MECOM: variants seen among roughly 807,000 people sequenced by gnomAD.
MECOM encodes the protein histone-lysine N-methyltransferase MECOM.
In MECOM, 13 loss-of-function variants were observed where a neutral mutation model predicts 116.3. The ratio of observed to expected loss-of-function variants is 0.11; its 90% CI spans 0.07 to 0.18. The LOEUF (loss-of-function observed/expected upper bound fraction) is 0.18, where lower values mean the gene tolerates loss of function less well. Ranked by LOEUF, MECOM falls within the 10% of genes least tolerant of loss-of-function variation. The pLI is 1.00. For synonymous variants in MECOM, 528 were observed against 535.2 expected (o/e 0.99, Z 0.19); for missense variants, 1,299 against 1,509.0 (o/e 0.86, Z 2.31).
chr3:169,093,827 T>C (rs1720636392), intron 13 of MECOM, among the ~76,000 whole-genome samples: 1 of 152,308 alleles, frequency 6.6e-6, no homozygotes, highest in Non-Finnish European at 1.5e-5. Flanking sequence ...CTTCCTGTTG[T>C]TTATCTTGCC....
chr3:169,177,338 C>G (rs1048495745), intron 2 of MECOM, among the ~76,000 whole-genome samples: 2 of 152,030 alleles, frequency 1.3e-5, no homozygotes, highest in Non-Finnish European at 1.5e-5. Flanking sequence ...AAGCTGGAAA[C>G]CATCATTCTC....
intron 1 of MECOM, among the ~76,000 whole-genome samples, chr3:169,532,779 A>G (rs1758820249): frequency 6.6e-6 from 1 of 152,052 alleles, no homozygotes; most frequent in Admixed American, 6.6e-5. Flanking sequence ...ACACACAAAT[A>G]TACTGAATCT....
chr3:169,483,812 A>G, intron 1 of MECOM: 7 of 1,611,936 alleles, frequency 4.3e-6, no homozygotes, highest in Non-Finnish European at 5.9e-6. Context: ...GATATTTCAA[A>G]TACCTTTTGG....
chr3:169,401,089 G>C (rs568782568), intron 1 of MECOM, among the ~76,000 whole-genome samples: 182 of 152,282 alleles, frequency 1.2e-3, no homozygotes, highest in African/African-American at 3.6e-3. Context: ...TCCTAGATAG[G>C]CTCTCAGCTT....
intron 2 of MECOM, among the ~76,000 whole-genome samples, chr3:169,377,380 C>A (rs1731222944): frequency 6.6e-6 from 1 of 152,126 alleles, no homozygotes; most frequent in Admixed American, 6.6e-5. Flanking sequence ...TTAGAGTGAA[C>A]AGTCAACCTA....
intron 10 of MECOM, among the ~76,000 whole-genome samples, chr3:169,106,410 A>AT (rs1308526981): frequency 6.6e-6 from 1 of 152,162 alleles, no homozygotes; most frequent in African/African-American, 2.4e-5. Flanking sequence ...TGGAATATTC[A>AT]TCCCCTCAAG....
At chr3:169,351,913 T>C (rs1182352621) in intron 2 of MECOM, among the ~76,000 whole-genome samples, 1 of 151,884 alleles carries the variant, frequency 6.6e-6, no homozygotes, top group East Asian at 1.9e-4. Context: ...CAAATTCACC[T>C]AATTAGGAAC....
chr3:169,630,105 A>G (rs1382711340), intron 1 of MECOM, among the ~76,000 whole-genome samples: 2 of 152,126 alleles, frequency 1.3e-5, no homozygotes, highest in Non-Finnish European at 2.9e-5. Context: ...AGAAAGAAAC[A>G]TGCCTTCTCT....
intron 1 of MECOM, among the ~76,000 whole-genome samples, chr3:169,392,875 G>A (rs897686047): frequency 1.6e-4 from 25 of 152,240 alleles, no homozygotes; most frequent in African/African-American, 5.8e-4. Flanking sequence ...TCATAGTAAC[G>A]TGAGCATCAG....
intron 1 of MECOM, among the ~76,000 whole-genome samples, chr3:169,485,731 G>A (rs149774484): frequency 6.6e-6 from 1 of 150,830 alleles, no homozygotes; most frequent in African/African-American, 2.4e-5. Context: ...CTTCAAAAAG[G>A]CAATTTGGCA....
At chr3:169,329,369 G>A (rs986483886) in intron 2 of MECOM, among the ~76,000 whole-genome samples, 5 of 152,078 alleles carry the variant, frequency 3.3e-5, no homozygotes, top group African/African-American at 1.2e-4. Flanking sequence ...CTTCTATTTC[G>A]GAAGCTGTTT....
At chr3:169,352,905 T>G (rs978018402) in intron 2 of MECOM, among the ~76,000 whole-genome samples, 3 of 151,918 alleles carry the variant, frequency 2.0e-5, no homozygotes, top group Non-Finnish European at 4.4e-5. Context: ...GTACACAATC[T>G]TATCTCTCTC....
At chr3:169,200,485 G>A (rs1188053992) in intron 2 of MECOM, among the ~76,000 whole-genome samples, 1 of 151,914 alleles carries the variant, frequency 6.6e-6, no homozygotes, top group Non-Finnish European at 1.5e-5. Flanking sequence ...AATTCAAAAG[G>A]GAATTAAGAA....
intron 2 of MECOM, among the ~76,000 whole-genome samples, chr3:169,250,611 T>C (rs945413430): frequency 2.0e-5 from 3 of 152,190 alleles, no homozygotes; most frequent in Non-Finnish European, 2.9e-5. Context: ...TCCGTTATTG[T>C]AGGGGAATAA....
chr3:169,476,071 T>G (rs1481900453), intron 1 of MECOM, among the ~76,000 whole-genome samples: 1 of 152,192 alleles, frequency 6.6e-6, no homozygotes, highest in Non-Finnish European at 1.5e-5. Flanking sequence ...ATTAATACTT[T>G]GATGAAATAT....
chr3:169,458,915 G>C (rs948308943), intron 1 of MECOM, among the ~76,000 whole-genome samples: 8 of 152,178 alleles, frequency 5.3e-5, no homozygotes, highest in African/African-American at 1.9e-4. Context: ...AGTTTAATAT[G>C]ATGAATCATG....
chr3:169,425,148 A>G (rs1740443845), intron 1 of MECOM, among the ~76,000 whole-genome samples: 1 of 150,946 alleles, frequency 6.6e-6, no homozygotes, highest in East Asian at 2.0e-4. Flanking sequence ...AATCAACGAA[A>G]ATTTATAAGC....
At chr3:169,098,725 G>C (rs73166194) in intron 12 of MECOM, among the ~76,000 whole-genome samples, 1 of 151,532 alleles carries the variant, frequency 6.6e-6, no homozygotes, top group African/African-American at 2.4e-5. Flanking sequence ...ATGGGGTCTC[G>C]CTGTGTTGTC....
At chr3:169,658,941 C>T (rs1233177407) in intron 1 of MECOM, among the ~76,000 whole-genome samples, 1 of 152,042 alleles carries the variant, frequency 6.6e-6, no homozygotes, top group Non-Finnish European at 1.5e-5. Context: ...GGGAGGAGGG[C>T]GTCCCCCCTT....
Sources: gnomAD v4.1 joint callset for allele counts (sites outside exome capture counted in the v4.1 genomes callset) on GRCh38, gnomAD v4.1.1 for gene constraint, MANE v1.5 for transcripts, NCBI Gene and HGNC (gene_info 2026-07-23, HGNC 2026-07-21) for gene names.